ATOSA: variants seen among roughly 807,000 people sequenced by gnomAD.
The protein encoded by ATOSA is atos homolog A.
chr15:52,675,834 A>G, the ATOSA span, among the ~76,000 whole-genome samples: 1 of 151,930 alleles, frequency 6.6e-6, no homozygotes, highest in South Asian at 2.1e-4. Context: ...TGAACCCGGG[A>G]GGCGGAGCTT....
the ATOSA span, among the ~76,000 whole-genome samples, chr15:52,706,028 T>C: frequency 2.0e-5 from 3 of 152,194 alleles, no homozygotes; most frequent in African/African-American, 4.8e-5. Flanking sequence ...CATATTAAAC[T>C]GCTGTGAAAC....
the ATOSA span, among the ~76,000 whole-genome samples, chr15:52,699,604 A>G: frequency 6.6e-6 from 1 of 151,906 alleles, no homozygotes; most frequent in African/African-American, 2.4e-5. Context: ...AACAGATCTT[A>G]TCATGCCATT....
At chr15:52,626,670 A>G in the ATOSA span, among the ~76,000 whole-genome samples, 7 of 152,164 alleles carry the variant, frequency 4.6e-5, no homozygotes, top group African/African-American at 1.4e-4. Context: ...CAGCAACATA[A>G]TGGTAAAGGG....
chr15:52,695,131 G>A, the ATOSA span, among the ~76,000 whole-genome samples: 2 of 151,888 alleles, frequency 1.3e-5, no homozygotes, highest in Admixed American at 6.6e-5. Context: ...CACAGCATTG[G>A]CCAGGCTGGT....
At chr15:52,650,432 A>G in the ATOSA span, among the ~76,000 whole-genome samples, 1 of 152,216 alleles carries the variant, frequency 6.6e-6, no homozygotes, top group Non-Finnish European at 1.5e-5. Flanking sequence ...AGGTCTACGT[A>G]AAACATTTTT....
chr15:52,608,969 T>C, the ATOSA span: 7,658 of 1,611,646 alleles, frequency 4.8e-3, 19 homozygotes, highest in Non-Finnish European at 5.9e-3. Context: ...CAAATCTGTT[T>C]GTCAATAGTG....
chr15:52,645,438 C>T, the ATOSA span, among the ~76,000 whole-genome samples: 1 of 130,472 alleles, frequency 7.7e-6, no homozygotes, highest in Non-Finnish European at 1.7e-5. Flanking sequence ...AGCAAGACTC[C>T]ATCTCAAATA....
the ATOSA span, among the ~76,000 whole-genome samples, chr15:52,686,780 G>A: frequency 1.3e-5 from 2 of 152,232 alleles, no homozygotes; most frequent in South Asian, 2.1e-4. Flanking sequence ...GAGCTCAAGC[G>A]GTCCTCCTAC....
the ATOSA span, among the ~76,000 whole-genome samples, chr15:52,643,448 C>T: frequency 4.1e-5 from 6 of 146,614 alleles, no homozygotes; most frequent in Non-Finnish European, 7.5e-5. Context: ...TGCACCACCT[C>T]ACCTGGCTTT....
the ATOSA span, among the ~76,000 whole-genome samples, chr15:52,666,286 C>G: frequency 6.6e-6 from 1 of 152,258 alleles, no homozygotes; most frequent in East Asian, 1.9e-4. Context: ...ACTACATTAG[C>G]AAGAGACATT....
chr15:52,609,467 G>T, the ATOSA span: 1 of 1,613,630 alleles, frequency 6.2e-7, no homozygotes, highest in South Asian at 1.1e-5. Flanking sequence ...ATAACATCTT[G>T]CCGCTCCTGG....
the ATOSA span, among the ~76,000 whole-genome samples, chr15:52,680,960 A>C: frequency 2.0e-5 from 3 of 152,226 alleles, no homozygotes; most frequent in African/African-American, 7.2e-5. Context: ...ACCAAATAAC[A>C]GCTATTGTAA....
chr15:52,598,000 T>C, the ATOSA span, among the ~76,000 whole-genome samples: 1 of 152,142 alleles, frequency 6.6e-6, no homozygotes, highest in African/African-American at 2.4e-5. Flanking sequence ...GGCGCGCTCC[T>C]GTAATCCCAG....
At chr15:52,656,523 G>A in the ATOSA span, 3 of 151,906 alleles carry the variant, frequency 2.0e-5, no homozygotes, top group African/African-American at 7.2e-5. Flanking sequence ...GACTTAATTG[G>A]GACTCTCATA....
the ATOSA span, chr15:52,678,252 A>G: frequency 1.6e-6 from 1 of 611,360 alleles, no homozygotes; most frequent in Non-Finnish European, 2.9e-6. Flanking sequence ...GTCTGAAAAA[A>G]GCAAAACTCT....
At chr15:52,608,044 C>T in the ATOSA span, among the ~76,000 whole-genome samples, 2 of 152,034 alleles carry the variant, frequency 1.3e-5, no homozygotes, top group Admixed American at 6.6e-5. Flanking sequence ...CCATGCCTGG[C>T]CAATTTTTAT....
the ATOSA span, among the ~76,000 whole-genome samples, chr15:52,617,184 GGTAA>G: frequency 5.8e-3 from 876 of 152,250 alleles, 9 homozygotes; most frequent in African/African-American, 0.02. Context: ...TCATAAGGGT[GGTAA>G]CGCATGTAGC....
chr15:52,667,690 G>A, the ATOSA span, among the ~76,000 whole-genome samples: 1 of 152,204 alleles, frequency 6.6e-6, no homozygotes, highest in East Asian at 1.9e-4. Context: ...ATACACAATC[G>A]GCTTTTGCAA....
chr15:52,691,395 T>C, the ATOSA span, among the ~76,000 whole-genome samples: 1 of 152,192 alleles, frequency 6.6e-6, no homozygotes, highest in South Asian at 2.1e-4. Context: ...CAAACAACAT[T>C]AGAAATTAGA....
Sources: allele counts gnomAD v4.1 joint callset (sites outside exome capture counted in the v4.1 genomes callset), GRCh38; gene constraint gnomAD v4.1.1; transcripts MANE v1.5; gene names NCBI Gene and HGNC (gene_info 2026-07-23, HGNC 2026-07-21).